The following CNTNAP2 variants were observed in gnomAD, a reference collection of about 807,000 sequenced individuals.
CNTNAP2 encodes the protein contactin-associated protein-like 2.
CNTNAP2 carries 98 observed loss-of-function variants against 155.2 expected under a neutral mutation model. The observed-to-expected ratio is 0.63, with a 90% CI of 0.54 to 0.75. The LOEUF (loss-of-function observed/expected upper bound fraction) is 0.75. Among genes scored for constraint, CNTNAP2 ranks in the 30% least tolerant of loss-of-function variants. The pLI is 0.00. For synonymous variants in CNTNAP2, 651 were observed against 631.2 expected (o/e 1.03, Z -0.47); for missense variants, 1,727 against 1,688.1 (o/e 1.02, Z -0.40).
chr7:147,141,457 T>C (rs1417010415), intron 8 of CNTNAP2, among the ~76,000 whole-genome samples: 1 of 152,078 alleles, frequency 6.6e-6, no homozygotes, highest in Non-Finnish European at 1.5e-5. Context: ...CAGTCACTGT[T>C]GAAACAAACA....
chr7:147,376,844 A>G (rs554677660), intron 9 of CNTNAP2, among the ~76,000 whole-genome samples: 10 of 152,122 alleles, frequency 6.6e-5, no homozygotes, highest in African/African-American at 2.4e-4. Context: ...ACACTACTGT[A>G]TATTACAAAT....
At chr7:146,269,121 C>T (rs1800039892) in intron 1 of CNTNAP2, among the ~76,000 whole-genome samples, 1 of 152,092 alleles carries the variant, frequency 6.6e-6, no homozygotes, top group Admixed American at 6.6e-5. Flanking sequence ...GTGGGCAGGT[C>T]ACGAGGTCAG....
chr7:146,275,843 T>A (rs1022510067), intron 1 of CNTNAP2, among the ~76,000 whole-genome samples: 3 of 152,230 alleles, frequency 2.0e-5, no homozygotes, highest in African/African-American at 7.2e-5. Flanking sequence ...TTGCTTGATT[T>A]ACTTTTAGAG....
intron 14 of CNTNAP2, among the ~76,000 whole-genome samples, chr7:147,953,905 T>G (rs1800978185): frequency 1.3e-5 from 2 of 152,202 alleles, no homozygotes. Flanking sequence ...AGGGCCCATC[T>G]TAATCAAGTA....
chr7:146,405,627 G>A (rs1795780178), intron 1 of CNTNAP2, among the ~76,000 whole-genome samples: 1 of 152,124 alleles, frequency 6.6e-6, no homozygotes, highest in East Asian at 1.9e-4. Context: ...ATACGTAACA[G>A]GTAAGACAAA....
At chr7:146,366,840 A>G (rs1584891526) in intron 1 of CNTNAP2, among the ~76,000 whole-genome samples, 1 of 152,150 alleles carries the variant, frequency 6.6e-6, no homozygotes, top group East Asian at 1.9e-4. Flanking sequence ...GGAGTCTTCC[A>G]GCTCAGATTT....
intron 21 of CNTNAP2, among the ~76,000 whole-genome samples, chr7:148,318,078 AG>A (rs1238024249): frequency 2.0e-5 from 3 of 152,174 alleles, no homozygotes; most frequent in Non-Finnish European, 2.9e-5. Context: ...AGTCTCATTC[AG>A]ACCCTTCTCC....
At chr7:146,704,168 C>G (rs776454608) in intron 1 of CNTNAP2, among the ~76,000 whole-genome samples, 1 of 152,032 alleles carries the variant, frequency 6.6e-6, no homozygotes, top group African/African-American at 2.4e-5. Context: ...TGCATTGACA[C>G]ACATGGTCAG....
intron 8 of CNTNAP2, among the ~76,000 whole-genome samples, chr7:147,259,801 A>G (rs1334448338): frequency 6.6e-6 from 1 of 152,228 alleles, no homozygotes; most frequent in Non-Finnish European, 1.5e-5. Context: ...AAACACCTAG[A>G]GAAGTAGAGA....
In CNTNAP2 at chr7:148,366,056, GTA is replaced by G. The variant is rs1400330409; in HGVS notation, c.3476-17591_3476-17590del. Among the ~76,000 whole-genome samples the G allele has an allele frequency of 2.4e-3, 10 of 4,206 alleles. 4 individuals carry two copies. The highest frequency in any genetic ancestry group is 0.011 in the Admixed American group (2 of 190). 2.8% of individuals were successfully genotyped at this position (4,206 alleles called of 152,430 possible). A position where few individuals can be genotyped will look rare whatever the true frequency, so the allele number is the denominator to read the frequency against. ...TGTGTATGCATGTATGCATGTGTGT[GTA>G]TGCATGTATGCATGTATGTGTGTGC... On this transcript the variant is annotated intron_variant, in intron 21 of 23. Transcript: ENST00000361727.
intron 1 of CNTNAP2, among the ~76,000 whole-genome samples, chr7:146,525,362 C>T (rs1289171394): frequency 6.6e-6 from 1 of 152,036 alleles, no homozygotes; most frequent in African/African-American, 2.4e-5. Flanking sequence ...TGGTGGAAAA[C>T]ACAAATGGCA....
chr7:146,951,081 A>G (rs1240103001), intron 3 of CNTNAP2, among the ~76,000 whole-genome samples: 1 of 152,164 alleles, frequency 6.6e-6, no homozygotes, highest in South Asian at 2.1e-4. Context: ...TGTTGGCCAC[A>G]TAAATGTCCG....
chr7:148,314,722 G>A (rs539130354), intron 21 of CNTNAP2, among the ~76,000 whole-genome samples: 3 of 152,166 alleles, frequency 2.0e-5, no homozygotes, highest in East Asian at 3.9e-4. Context: ...GGGTTAGGGG[G>A]TTCTTGCCCT....
At chr7:146,435,666 T>C (rs1038284550) in intron 1 of CNTNAP2, among the ~76,000 whole-genome samples, 4 of 152,210 alleles carry the variant, frequency 2.6e-5, no homozygotes, top group African/African-American at 9.6e-5. Flanking sequence ...TTAGTACATC[T>C]GAGAGAATTG....
chr7:146,619,497 A>G (rs1799282917), intron 1 of CNTNAP2, among the ~76,000 whole-genome samples: 1 of 152,216 alleles, frequency 6.6e-6, no homozygotes, highest in Admixed American at 6.5e-5. Context: ...AGTCTATTCA[A>G]TCATTAATTG....
At chr7:147,636,016 G>T (rs1280175887) in intron 12 of CNTNAP2, among the ~76,000 whole-genome samples, 2 of 152,198 alleles carry the variant, frequency 1.3e-5, no homozygotes, top group Non-Finnish European at 2.9e-5. Flanking sequence ...TTAATTAGGT[G>T]AAGGTAAATC....
At chr7:148,131,243 C>A (rs1188560887) in intron 16 of CNTNAP2, among the ~76,000 whole-genome samples, 1 of 151,868 alleles carries the variant, frequency 6.6e-6, no homozygotes, top group Non-Finnish European at 1.5e-5. Context: ...GGACCACAGG[C>A]TCACGCCACC....
chr7:146,633,137 C>T (rs949712183), intron 1 of CNTNAP2, among the ~76,000 whole-genome samples: 1 of 152,078 alleles, frequency 6.6e-6, no homozygotes, highest in Non-Finnish European at 1.5e-5. Context: ...TGGAGGCATC[C>T]GATCCTGGGA....
intron 12 of CNTNAP2, among the ~76,000 whole-genome samples, chr7:147,595,567 C>T (rs1443793585): frequency 1.3e-5 from 2 of 152,134 alleles, no homozygotes; most frequent in East Asian, 1.9e-4. Flanking sequence ...ATAATGTATT[C>T]GATGGAAGCA....
Sources: gnomAD v4.1 joint callset for allele counts (sites outside exome capture counted in the v4.1 genomes callset) on GRCh38, gnomAD v4.1.1 for gene constraint, MANE v1.5 for transcripts, NCBI Gene and HGNC (gene_info 2026-07-23, HGNC 2026-07-21) for gene names.